The following DLGAP3 variants were observed in gnomAD, a reference collection of about 807,000 sequenced individuals.
DLGAP3 encodes the protein DLG associated protein 3.
DLGAP3 carries 17 observed loss-of-function variants against 81.2 expected under a neutral mutation model. The ratio of observed to expected loss-of-function variants is 0.21; its 90% CI spans 0.14 to 0.31. DLGAP3 has a LOEUF of 0.31. DLGAP3 is among the 10% of genes least tolerant of loss of function. The probability of loss-of-function intolerance (pLI) is 1.00; values close to 1 mark genes in which losing one functional copy is unlikely to be tolerated. For missense variants in DLGAP3, 1,124 were observed against 1,388.0 expected (o/e 0.81, Z 3.02); for synonymous variants, 577 against 587.4 (o/e 0.98, Z 0.26).
chr1:34,869,122 C>A (rs770077525), intron 8 of DLGAP3, 33 bp from the exon 9 acceptor site: 3 of 1,514,944 alleles, frequency 2.0e-6, no homozygotes, highest in Non-Finnish European at 2.7e-6. Flanking sequence ...TCCCCCATTG[C>A]CCAGGCTCAT....
chr1:34,917,850 G>A (rs1360989683), intron 1 of DLGAP3, among the ~76,000 whole-genome samples: 2 of 152,214 alleles, frequency 1.3e-5, no homozygotes, highest in African/African-American at 4.8e-5. Context: ...AGGCCCAGGT[G>A]AGCCATGATG....
chr1:34,893,938 G>A (rs911375764), intron 5 of DLGAP3, among the ~76,000 whole-genome samples: 1 of 152,204 alleles, frequency 6.6e-6, no homozygotes, highest in Admixed American at 6.5e-5. Flanking sequence ...TGTAATCCCA[G>A]AACTTTGGGA....
intron 1 of DLGAP3, among the ~76,000 whole-genome samples, chr1:34,918,222 C>A (rs750539921): frequency 3.3e-5 from 5 of 152,236 alleles, no homozygotes; most frequent in Non-Finnish European, 7.3e-5. Context: ...CAGCCTGCCA[C>A]CATCCACTGA....
intron 8 of DLGAP3, among the ~76,000 whole-genome samples, chr1:34,875,632 C>G (rs1414235906): frequency 2.0e-5 from 3 of 152,162 alleles, no homozygotes; most frequent in Admixed American, 2.0e-4. Context: ...AGGCAAAAAT[C>G]CCATTTTCTA....
At position 34,902,988 on chromosome 1, in the gene DLGAP3, C is replaced by A. The variant is rs1180610566; in HGVS notation, c.1107+1289G>T. The stretch of plus-strand genomic sequence containing the variant: ...GGGCAAACCAGGCCAATCCAGAAGT[C>A]CCTTCTTGCTTGCACTGTGGCCCTA... On this transcript the variant is annotated intron_variant, in intron 3 of 11. Transcript: ENST00000373347. The surrounding 1 kb of genome is among the most constrained non-coding windows in gnomAD (Gnocchi z 4.4). 1.3e-5 allele frequency among the ~76,000 whole-genome samples: 2 copies of A among 152,174 alleles called. No homozygotes were observed. Among genetic ancestry groups the A allele is most frequent in the East Asian group, 1.9e-4 (1 of 5,194 alleles).
rs568093723 is a variant in DLGAP3 at position 34,910,736 on chromosome 1, C to T, written c.-134-3299G>A. Among the ~76,000 whole-genome samples the T allele has an allele frequency of 1.2e-4, 19 of 152,308 alleles. No individual in the cohort carries two copies. In the South Asian group the frequency reaches 3.7e-3, roughly 30 times the overall value. ...TCTGGCCTCCCTGACTAGGTCAGAT[C>T]CCCCTGCTGTTTGCTCTCAAGGCAC... is the stretch of plus-strand genomic sequence containing the variant. On this transcript the variant is annotated intron_variant, in intron 1 of 11. Transcript: ENST00000373347.
intron 8 of DLGAP3, among the ~76,000 whole-genome samples, chr1:34,880,636 T>C (rs1011199406): frequency 1.3e-5 from 2 of 151,864 alleles, no homozygotes; most frequent in African/African-American, 4.8e-5. Flanking sequence ...GAGGTGGAAG[T>C]TGCAGTGAGC....
intron 8 of DLGAP3, among the ~76,000 whole-genome samples, chr1:34,875,310 A>C (rs1287136024): frequency 6.6e-6 from 1 of 152,190 alleles, no homozygotes; most frequent in East Asian, 1.9e-4. Context: ...CGTGGGCACA[A>C]GCAGGTATGA....
chr1:34,924,330 C>T (rs1449798861), intron 1 of DLGAP3, among the ~76,000 whole-genome samples: 1 of 152,142 alleles, frequency 6.6e-6, no homozygotes, highest in Admixed American at 6.5e-5. Flanking sequence ...TTCTCCATGG[C>T]ACTGAACAAC....
chr1:34,884,494 G>A (rs186556664), intron 8 of DLGAP3, among the ~76,000 whole-genome samples: 22 of 151,012 alleles, frequency 1.5e-4, no homozygotes, highest in African/African-American at 4.7e-4. Context: ...GCATGTAATA[G>A]GTACCCCCAA....
chr1:34,928,367 C>G (rs368013028), intron 1 of DLGAP3, among the ~76,000 whole-genome samples: 1 of 152,098 alleles, frequency 6.6e-6, no homozygotes, highest in Non-Finnish European at 1.5e-5. Context: ...TCCCAGGCCC[C>G]CAAAAGGAGA....
rs115417587 is a variant in DLGAP3, at chr1:34,884,279, G to A, written c.2000+699C>T. Among the ~76,000 whole-genome samples, 488 of 152,040 alleles carry A rather than the reference G, an allele frequency of 3.2e-3. 1 individual carries two copies. The highest frequency in any genetic ancestry group is 5.2e-3 in the Non-Finnish European group (353 of 68,006). ...TGGGAAGCTCAGATACCATGAAACC[G>A]TTATGGCCAGCCCCTGGCAAGCTCC... On this transcript the variant is annotated intron_variant, in intron 8 of 11. Coordinates refer to ENST00000373347, the MANE Select transcript of DLGAP3 (RefSeq NM_001080418.3).
intron 6 of DLGAP3, 29 bp downstream of exon 6, chr1:34,886,043 C>A: frequency 6.4e-7 from 1 of 1,569,958 alleles, no homozygotes; most frequent in South Asian, 1.2e-5. Context: ...CTGCCTAGGG[C>A]CGGGCCAGGG....
chr1:34,878,844 G>A (rs1639099757), intron 8 of DLGAP3, among the ~76,000 whole-genome samples: 1 of 152,116 alleles, frequency 6.6e-6, no homozygotes, highest in South Asian at 2.1e-4. Flanking sequence ...GCCGAGGCGG[G>A]CGGATCACGA....
At position 34,866,307 on chromosome 1, in the gene DLGAP3, G is replaced by A. The variant is rs767184922; in HGVS notation, c.2722-6C>T. On this transcript the variant is annotated splice_polypyrimidine_tract_variant and splice_region_variant and intron_variant, in intron 11 of 11. Coordinates refer to ENST00000373347, the MANE Select transcript of DLGAP3 (RefSeq NM_001080418.3). Reference sequence around the variant, plus strand: ...GGAGGGACCTTCTTCTCCTCCTGCGGGGCAGAGGGCGTCGCTGAGCTGGGG... The same window carrying A: ...GGAGGGACCTTCTTCTCCTCCTGCGAGGCAGAGGGCGTCGCTGAGCTGGGG... 12 of 1,511,636 alleles carry A rather than the reference G, an allele frequency of 7.9e-6. No individual in the cohort carries two copies. The highest frequency in any genetic ancestry group is 4.1e-5 in the Admixed American group (2 of 48,708). 93.6% of individuals were successfully genotyped at this position (1,511,636 alleles called of 1,614,324 possible).
intron 5 of DLGAP3, among the ~76,000 whole-genome samples, chr1:34,892,910 C>A (rs971213144): frequency 6.6e-6 from 1 of 152,138 alleles, no homozygotes; most frequent in Non-Finnish European, 1.5e-5. Context: ...CGGTGGCTCA[C>A]GCCTGTAATC....
In DLGAP3 at chr1:34,868,682, C is replaced by T. The variant is rs200249341; in HGVS notation, c.2408G>A (p.Arg803Gln). 2 of 1,612,488 alleles carry T rather than the reference C, an allele frequency of 1.2e-6. No homozygotes were observed. The highest frequency in any genetic ancestry group is 2.2e-5 in the East Asian group (1 of 44,876). The change falls in exon 9 of 12, where the codon CGG (arginine) becomes CAG (glutamine). Residue 803 changes from arginine (R) to glutamine (Q), a missense_variant. Physicochemically the swap from Arg to Gln is conservative, Grantham distance 43. Around this residue, in one of 9 missense-constraint regions of DLGAP3, gnomAD observed 379 missense variants for 455.7 expected, o/e 0.83. Transcript: ENST00000373347. The surrounding 1 kb of genome is among the most constrained non-coding windows in gnomAD (Gnocchi z 7.5). ...GTGCTCCAGCTTCTCCACCTCTGCC[C>T]GCAGCATCTTGATGAACCACTCGCC... ...RDGEWFIKML[R>Q]AEVEKLEHWC...
At chr1:34,911,022 A>ACCCCCCCCC (rs58074971) in intron 1 of DLGAP3, among the ~76,000 whole-genome samples, 32 of 132,014 alleles carry the variant, frequency 2.4e-4, no homozygotes, top group Admixed American at 6.5e-4. Flanking sequence ...GATATTATCC[A>ACCCCCCCCC]CCCCCCCCCC....
intron 1 of DLGAP3, among the ~76,000 whole-genome samples, chr1:34,927,106 C>G (rs907872042): frequency 1.3e-5 from 2 of 152,172 alleles, no homozygotes; most frequent in Admixed American, 1.3e-4. Flanking sequence ...CATGGCCTAC[C>G]TCGGTGGTGG....
Sources: allele counts gnomAD v4.1 joint callset (sites outside exome capture counted in the v4.1 genomes callset), GRCh38; gene constraint gnomAD v4.1.1; regional missense constraint gnomAD v4.1.1; non-coding constraint Gnocchi (gnomAD v3.1); transcripts MANE v1.5; gene names NCBI Gene and HGNC (gene_info 2026-07-23, HGNC 2026-07-21).